HDX: variants seen among roughly 807,000 people sequenced by gnomAD.
The protein encoded by HDX is chromosome X open reading frame 43.
A neutral mutation model predicts 45.2 loss-of-function variants in HDX; 19 were observed. The ratio of observed to expected loss-of-function variants is 0.42; its 90% confidence interval spans 0.29 to 0.62. The LOEUF is 0.62. Among genes scored for constraint, HDX ranks in the 20% least tolerant of loss-of-function variants. HDX has a pLI of 0.20. For missense variants in HDX, 532 were observed against 493.9 expected, an observed-to-expected ratio of 1.08 and a Z score of -0.73; for synonymous variants, 188 against 172.8, an observed-to-expected ratio of 1.09 and a Z score of -0.69.
chrX:84,424,321 C>T (rs1002648821), intron 5 of HDX, among the ~76,000 whole-genome samples: 2 of 109,013 alleles, frequency 1.8e-5, no homozygotes, highest in African/African-American at 3.3e-5. Context: ...GAGAGGACAC[C>T]AAAAAATGAA....
chrX:84,475,448 G>T, intron 2 of HDX, 51 bp from the exon 3 acceptor site: 1 of 806,310 alleles, frequency 1.2e-6, no homozygotes, highest in East Asian at 3.6e-5. Context: ...TTTGGTATGT[G>T]CAGAATTTGT....
chrX:84,389,604 G>A lies in HDX; in HGVS notation c.1306-27992C>T, dbSNP rs181943747. ...GTCACCAGGAAAATACTCAGGTGGA[G>A]CAATGCACTGAGGCTGGGCTGCAGA... On this transcript the variant is annotated intron_variant, in intron 5 of 10. Coordinates refer to ENST00000373177, the MANE Select transcript of HDX (RefSeq NM_001177479.2). Among the ~76,000 whole-genome samples, 330 of 111,730 alleles carry A rather than the reference G, an allele frequency of 3.0e-3. 1 individual carries two copies. Among genetic ancestry groups the A allele is most frequent in the African/African-American group, 0.011 (326 of 30,774 alleles).
At chrX:84,459,685 T>A (rs748137789) in intron 4 of HDX, among the ~76,000 whole-genome samples, 34 of 104,733 alleles carry the variant, frequency 3.2e-4, no homozygotes, top group African/African-American at 6.2e-4. Context: ...AAAAAAAAAA[T>A]AAAAATCAGA....
chrX:84,429,989 T>A (rs1260210753), intron 5 of HDX, among the ~76,000 whole-genome samples: 1 of 110,793 alleles, frequency 9.0e-6, no homozygotes, highest in Non-Finnish European at 1.9e-5. Context: ...TATTATCATA[T>A]CCATCCTCTC....
intron 6 of HDX, among the ~76,000 whole-genome samples, chrX:84,357,863 G>T (rs1219840178): frequency 8.9e-6 from 1 of 112,342 alleles, no homozygotes; most frequent in African/African-American, 3.2e-5. Context: ...TAAGTGAACA[G>T]ATCTCATGGC....
At chrX:84,378,938 T>C (rs1298210841) in intron 5 of HDX, among the ~76,000 whole-genome samples, 3 of 110,355 alleles carry the variant, frequency 2.7e-5, no homozygotes, top group Non-Finnish European at 5.7e-5. Flanking sequence ...AAGACACATA[T>C]AGACTGAAAA....
chrX:84,321,972 A>T lies in HDX; in HGVS notation c.1990T>A (p.Phe664Ile). ...DLPPELEEMD[F>I]NHASLEPDDT... Reference sequence around the variant, plus strand: ...TCAGGCTCCAGTGAGGCATGATTGAAATCCATTTCCTCTAATTCAGGAGGT... The same window carrying T: ...TCAGGCTCCAGTGAGGCATGATTGATATCCATTTCCTCTAATTCAGGAGGT... The change falls in exon 11 of 11, where the codon TTC becomes ATC. Residue 664 changes from phenylalanine to isoleucine, a missense_variant. Phe to Ile is a conservative substitution (Grantham distance 21, BLOSUM62 0). This residue lies in a region of HDX where 151 missense variants were observed against 131.8 expected (regional missense o/e 1.15). Coordinates refer to ENST00000373177, the MANE Select transcript of HDX (RefSeq NM_001177479.2). The T allele has an allele frequency of 4.2e-6, 5 of 1,181,749 alleles. No homozygotes were observed. Among genetic ancestry groups the T allele is most frequent in the Non-Finnish European group, 5.7e-6 (5 of 871,384 alleles).
At chrX:84,363,977 A>T (rs1299456173) in intron 5 of HDX, among the ~76,000 whole-genome samples, 1 of 111,670 alleles carries the variant, frequency 9.0e-6, no homozygotes, top group African/African-American at 3.3e-5. Context: ...GTAACCAGAT[A>T]ACTGTACTTA....
intron 1 of HDX, among the ~76,000 whole-genome samples, chrX:84,499,623 T>C (rs752145799): frequency 2.7e-5 from 3 of 112,131 alleles, no homozygotes; most frequent in Non-Finnish European, 5.6e-5. Flanking sequence ...ATAATGATGT[T>C]CTAATTTACA....
chrX:84,468,623 T>C lies in HDX; in HGVS notation c.1100A>G (p.Gln367Arg), dbSNP rs1379860879. The change falls in exon 4 of 11, where the codon CAA becomes CGA. Residue 367 changes from glutamine to arginine, a missense_variant. By Grantham distance (43) the Gln-to-Arg change is conservative. Around this residue, in one of 3 missense-constraint regions of HDX, gnomAD observed 376 missense variants for 343.7 expected, o/e 1.09. Coordinates refer to ENST00000373177, the MANE Select transcript of HDX (RefSeq NM_001177479.2). ...IRDMSDNVLYQNRNYHLTPRT... is the reference protein window; with the variant it reads ...IRDMSDNVLYRNRNYHLTPRT... ...TGGTGTCAAATGGTAGTTTCTGTTT[T>C]GATACAGTACATTGTCTGACATATC... 8.3e-7 allele frequency: 1 copy of C among 1,206,467 alleles called. No homozygotes were observed. The highest frequency in any genetic ancestry group is 3.0e-5 in the East Asian group (1 of 33,740).
intron 5 of HDX, among the ~76,000 whole-genome samples, chrX:84,428,022 T>C (rs1447928576): frequency 9.0e-6 from 1 of 110,943 alleles, no homozygotes; most frequent in Non-Finnish European, 1.9e-5. Flanking sequence ...TAAATTTACA[T>C]TTCGCTTATG....
At chrX:84,486,914 C>T (rs1456900964) in intron 2 of HDX, among the ~76,000 whole-genome samples, 1 of 111,435 alleles carries the variant, frequency 9.0e-6, no homozygotes, top group Non-Finnish European at 1.9e-5. Flanking sequence ...ATTATTTCTT[C>T]GAATATTTTT....
chrX:84,423,855 G>A (rs1484756817), intron 5 of HDX, among the ~76,000 whole-genome samples: 2 of 111,065 alleles, frequency 1.8e-5, no homozygotes, highest in Non-Finnish European at 3.8e-5. Flanking sequence ...CAGACCCACA[G>A]ATAATATCAT....
chrX:84,372,025 T>C (rs1283312665), intron 5 of HDX, among the ~76,000 whole-genome samples: 1 of 112,108 alleles, frequency 8.9e-6, no homozygotes, highest in Non-Finnish European at 1.9e-5. Flanking sequence ...CAAGAAAATG[T>C]AATTTGAAAG....
intron 5 of HDX, among the ~76,000 whole-genome samples, chrX:84,372,293 C>A (rs2037915444): frequency 8.9e-6 from 1 of 111,810 alleles, no homozygotes; most frequent in African/African-American, 3.2e-5. Context: ...TTTTTGGCAT[C>A]ATGTACAGTC....
At chrX:84,402,382 T>C (rs775963614) in intron 5 of HDX, among the ~76,000 whole-genome samples, 3 of 111,973 alleles carry the variant, frequency 2.7e-5, no homozygotes, top group African/African-American at 9.7e-5. Flanking sequence ...TAGTACCATA[T>C]AGAATAGTTT....
At chrX:84,336,134 G>C (rs1244755359) in intron 8 of HDX, among the ~76,000 whole-genome samples, 1 of 110,333 alleles carries the variant, frequency 9.1e-6, no homozygotes, top group African/African-American at 3.3e-5. Flanking sequence ...CTTGATTATA[G>C]GGTTACTTGA....
chrX:84,472,860 T>A (rs2040477519), intron 3 of HDX, among the ~76,000 whole-genome samples: 1 of 110,341 alleles, frequency 9.1e-6, no homozygotes, highest in East Asian at 2.9e-4. Flanking sequence ...AAAAGCTGAA[T>A]TAAATTTTAC....
rs2040131813 is a variant in HDX, at chrX:84,457,240, C to G, written c.1251+11232G>C. Among the ~76,000 whole-genome samples, 3 of 111,370 alleles carry G rather than the reference C, an allele frequency of 2.7e-5. No individual in the cohort carries two copies. The Admixed American group carries it at 2.9e-4, about 11-fold the overall frequency. The stretch of plus-strand genomic sequence containing the variant: ...CCATTAACATTTAACTTCTCCTACA[C>G]AATTTGGACCACAAACTTGGTACAT... On this transcript the variant is annotated intron_variant, in intron 4 of 10. Transcript: ENST00000373177.
Sources: allele counts gnomAD v4.1 joint callset (sites outside exome capture counted in the v4.1 genomes callset), GRCh38; gene constraint gnomAD v4.1.1; regional missense constraint gnomAD v4.1.1; transcripts MANE v1.5; gene names NCBI Gene and HGNC (gene_info 2026-07-23, HGNC 2026-07-21).